The following TENM3 variants were observed in gnomAD, a reference collection of about 807,000 sequenced individuals.
The protein encoded by TENM3 is teneurin-3.
TENM3 carries 63 observed loss-of-function variants against 255.1 expected under a neutral mutation model. The ratio of observed to expected loss-of-function variants is 0.25; its 90% confidence interval spans 0.20 to 0.30. TENM3 has a LOEUF of 0.30. TENM3 is among the 10% of genes least tolerant of loss of function. TENM3 has a pLI of 1.00. For synonymous variants in TENM3, 1,306 were observed against 1,322.3 expected (o/e 0.99, Z 0.27); for missense variants, 2,929 against 3,461.1 (o/e 0.85, Z 3.86).
At chr4:182,757,752 T>A (rs1579369015) in intron 22 of TENM3, among the ~76,000 whole-genome samples, 2 of 152,138 alleles carry the variant, frequency 1.3e-5, no homozygotes, top group South Asian at 4.1e-4. Context: ...AGAGGTTGGG[T>A]TGGCAAGCCA....
intron 1 of TENM3, among the ~76,000 whole-genome samples, chr4:182,177,634 A>G (rs988209147): frequency 4.0e-5 from 6 of 148,598 alleles, no homozygotes; most frequent in African/African-American, 1.5e-4. Flanking sequence ...TTTTTGCTCT[A>G]CCCTCAAAAC....
intron 1 of TENM3, among the ~76,000 whole-genome samples, chr4:182,266,871 A>G (rs1042846274): frequency 3.9e-5 from 6 of 152,176 alleles, no homozygotes; most frequent in African/African-American, 1.4e-4. Flanking sequence ...TTTCCTTATC[A>G]ATTGTGGCTT....
At chr4:182,246,790 C>T (rs371750326) in intron 1 of TENM3, among the ~76,000 whole-genome samples, 1 of 152,148 alleles carries the variant, frequency 6.6e-6, no homozygotes, top group South Asian at 2.1e-4. Context: ...TTATTGCAGA[C>T]GACAGCAGTG....
At chr4:182,696,632 G>A (rs761104886) in intron 12 of TENM3, among the ~76,000 whole-genome samples, 12 of 152,224 alleles carry the variant, frequency 7.9e-5, no homozygotes, top group African/African-American at 2.6e-4. Flanking sequence ...GGCTGAGGCA[G>A]GAGAATCGCT....
chr4:182,736,764 C>T, intron 16 of TENM3, 44 bp from the exon 17 acceptor site: 16 of 1,559,540 alleles, frequency 1.0e-5, no homozygotes, highest in African/African-American at 1.4e-5. Flanking sequence ...ATCTAATCGT[C>T]ATACGTGATC....
chr4:181,823,154 A>T, the TENM3 span, among the ~76,000 whole-genome samples: 4 of 152,358 alleles, frequency 2.6e-5, no homozygotes, highest in South Asian at 8.3e-4. Context: ...GGAAGGCATG[A>T]GTGAAAGCTG....
At chr4:182,407,342 G>A (rs904943074) in intron 3 of TENM3, among the ~76,000 whole-genome samples, 3 of 152,104 alleles carry the variant, frequency 2.0e-5, no homozygotes, top group East Asian at 1.9e-4. Flanking sequence ...GTGGAATAGC[G>A]ATTCTCAGGG....
At chr4:182,115,862 C>T in the TENM3 span, among the ~76,000 whole-genome samples, 1 of 150,266 alleles carries the variant, frequency 6.7e-6, no homozygotes, top group East Asian at 2.0e-4. Context: ...AAAGATATGG[C>T]CAAAGTCACC....
chr4:182,196,037 T>A (rs1424711803), intron 1 of TENM3, among the ~76,000 whole-genome samples: 1 of 152,150 alleles, frequency 6.6e-6, no homozygotes, highest in African/African-American at 2.4e-5. Flanking sequence ...TGGATTGAGC[T>A]TCAGAAAGGA....
At chr4:182,578,671 A>C (rs571072065) in intron 3 of TENM3, among the ~76,000 whole-genome samples, 12 of 152,274 alleles carry the variant, frequency 7.9e-5, no homozygotes, top group African/African-American at 2.9e-4. Flanking sequence ...ACTCTGGAAG[A>C]GCACTCAGGT....
chr4:182,800,213 G>A lies in TENM3; in HGVS notation c.7962G>A (p.Glu2654=). The change falls in exon 28 of 28, where the codon GAG becomes GAA. Residue 2654 remains glutamate (E), a synonymous_variant. Transcript: ENST00000511685. The part of the protein sequence containing the change: ...EEGARLWTEG[E]KRQLLSAGKV... ...GCGCGCGCCTCTGGACGGAGGGCGA[G>A]AAGCGGCAGCTGCTGAGCGCCGGCA... 3 of 1,591,310 alleles carry A rather than the reference G, an allele frequency of 1.9e-6. No individual in the cohort carries two copies. Among genetic ancestry groups the A allele is most frequent in the Non-Finnish European group, 2.5e-6 (3 of 1,176,964 alleles).
intron 1 of TENM3, among the ~76,000 whole-genome samples, chr4:182,320,690 A>G (rs1357608034): frequency 6.6e-6 from 1 of 152,176 alleles, no homozygotes; most frequent in Non-Finnish European, 1.5e-5. Context: ...TTTTGGGGAG[A>G]CACAATTCAA....
At chr4:182,349,027 G>C (rs1580246062) in intron 3 of TENM3, among the ~76,000 whole-genome samples, 1 of 152,164 alleles carries the variant, frequency 6.6e-6, no homozygotes, top group Non-Finnish European at 1.5e-5. Flanking sequence ...GTAGTGGCTA[G>C]GAAGCAGAAT....
chr4:181,661,682 T>G, the TENM3 span, among the ~76,000 whole-genome samples: 1 of 152,132 alleles, frequency 6.6e-6, no homozygotes, highest in Non-Finnish European at 1.5e-5. Context: ...ATGGTTATCC[T>G]GGGAGGTGCG....
At chr4:181,747,548 GC>G in the TENM3 span, among the ~76,000 whole-genome samples, 2 of 151,684 alleles carry the variant, frequency 1.3e-5, no homozygotes, top group Non-Finnish European at 2.9e-5. Context: ...TTTCTATTGT[GC>G]TAATTATCTT....
the TENM3 span, among the ~76,000 whole-genome samples, chr4:181,612,620 C>T: frequency 6.6e-6 from 1 of 151,972 alleles, no homozygotes; most frequent in Non-Finnish European, 1.5e-5. Context: ...TTTTATCAAA[C>T]CTTAAGTAGG....
chr4:182,102,509 C>T, the TENM3 span, among the ~76,000 whole-genome samples: 101 of 152,282 alleles, frequency 6.6e-4, 1 homozygote, highest in African/African-American at 2.2e-3. Flanking sequence ...AATCAAAATG[C>T]GCTTTTTAGG....
the TENM3 span, among the ~76,000 whole-genome samples, chr4:181,524,158 G>A: frequency 9.3e-4 from 142 of 152,228 alleles, no homozygotes; most frequent in African/African-American, 3.0e-3. Context: ...AGCACTTCCC[G>A]TGATTTCCGT....
At chr4:182,704,378 C>T (rs1383554849) in intron 12 of TENM3, among the ~76,000 whole-genome samples, 1 of 152,136 alleles carries the variant, frequency 6.6e-6, no homozygotes. Flanking sequence ...GTATGTAGTC[C>T]ATGGTCAGGC....
Sources: gnomAD v4.1 joint callset for allele counts (sites outside exome capture counted in the v4.1 genomes callset) on GRCh38, gnomAD v4.1.1 for gene constraint, MANE v1.5 for transcripts, NCBI Gene and HGNC (gene_info 2026-07-23, HGNC 2026-07-21) for gene names.